The following GPATCH2 variants were observed in gnomAD, a reference collection of about 807,000 sequenced individuals.
GPATCH2 encodes the protein G patch domain-containing protein 2.
Under a neutral mutation model 58.0 loss-of-function variants are expected in GPATCH2, and 51 were observed. That is an observed-to-expected ratio of 0.88 (90% CI 0.70 to 1.11). GPATCH2 has a LOEUF of 1.11. Ranked by LOEUF, GPATCH2 falls within the 50% of genes most tolerant of loss-of-function variation. The pLI is 0.00. For synonymous variants in GPATCH2, 222 were observed against 218.5 expected, an observed-to-expected ratio of 1.02 and a Z score of -0.14; for missense variants, 625 against 652.2, an observed-to-expected ratio of 0.96 and a Z score of 0.45.
At chr1:217,498,299 C>G in intron 7 of GPATCH2, 57 bp downstream of exon 7, 3 of 1,259,112 alleles carry the variant, frequency 2.4e-6, no homozygotes, top group Non-Finnish European at 2.3e-6. Context: ...TGAAGGGAGA[C>G]AGTTAAATAC....
At chr1:217,596,488 C>T (rs937989371) in intron 5 of GPATCH2, among the ~76,000 whole-genome samples, 1 of 151,950 alleles carries the variant, frequency 6.6e-6, no homozygotes, top group Non-Finnish European at 1.5e-5. Flanking sequence ...CCTAATTAGG[C>T]TTTTTGTGAA....
intron 8 of GPATCH2, among the ~76,000 whole-genome samples, chr1:217,480,667 T>G (rs926366624): frequency 3.3e-5 from 5 of 152,178 alleles, no homozygotes; most frequent in African/African-American, 7.2e-5. Context: ...TGGAAATCAG[T>G]GTATCAAAGA....
chr1:217,617,100 A>C (rs943555950), intron 2 of GPATCH2, among the ~76,000 whole-genome samples: 1 of 152,200 alleles, frequency 6.6e-6, no homozygotes, highest in Admixed American at 6.5e-5. Flanking sequence ...TCACTGTTAA[A>C]AATTCTTCAC....
At chr1:217,455,958 CAG>C (rs1477001317) in intron 8 of GPATCH2, among the ~76,000 whole-genome samples, 1 of 151,952 alleles carries the variant, frequency 6.6e-6, no homozygotes, top group Non-Finnish European at 1.5e-5. Context: ...TGGGGATAGT[CAG>C]AGAGGAATTT....
intron 8 of GPATCH2, among the ~76,000 whole-genome samples, chr1:217,476,797 C>G (rs1660990990): frequency 6.6e-6 from 1 of 152,128 alleles, no homozygotes. Flanking sequence ...GAAAGGCAGT[C>G]TATGCCACAA....
chr1:217,525,519 T>G (rs1663860037), intron 5 of GPATCH2, among the ~76,000 whole-genome samples: 1 of 152,200 alleles, frequency 6.6e-6, no homozygotes, highest in Non-Finnish European at 1.5e-5. Context: ...TCCCACAATT[T>G]TACCAAAGGT....
At chr1:217,513,008 G>A (rs979842944) in intron 6 of GPATCH2, among the ~76,000 whole-genome samples, 2 of 152,114 alleles carry the variant, frequency 1.3e-5, no homozygotes, top group Non-Finnish European at 2.9e-5. Context: ...GCCTACCTTA[G>A]GCCAGGCGCG....
intron 5 of GPATCH2, among the ~76,000 whole-genome samples, chr1:217,598,477 C>G (rs544438792): frequency 6.6e-6 from 1 of 151,878 alleles, no homozygotes; most frequent in East Asian, 1.9e-4. Context: ...GAGACAGAGT[C>G]TCGCTCTGTT....
At chr1:217,501,686 T>C (rs1055390765) in intron 6 of GPATCH2, among the ~76,000 whole-genome samples, 1 of 152,170 alleles carries the variant, frequency 6.6e-6, no homozygotes, top group East Asian at 1.9e-4. Flanking sequence ...ATTTCTCTAA[T>C]AGATAATGAC....
At chr1:217,613,513 G>A (rs12562496) in intron 3 of GPATCH2, among the ~76,000 whole-genome samples, 25,425 of 151,962 alleles carry the variant, frequency 0.17, 3,065 homozygotes, top group East Asian at 0.52. Context: ...GAGCAGGTGT[G>A]ACTAAATGAA....
intron 5 of GPATCH2, among the ~76,000 whole-genome samples, chr1:217,520,543 CTAGGA>C (rs1346862520): frequency 6.6e-6 from 1 of 152,158 alleles, no homozygotes; most frequent in Non-Finnish European, 1.5e-5. Flanking sequence ...AGACTTTGAA[CTAGGA>C]CCTATATAGT....
At chr1:217,570,809 A>G (rs1159564248) in intron 5 of GPATCH2, among the ~76,000 whole-genome samples, 3 of 152,238 alleles carry the variant, frequency 2.0e-5, no homozygotes, top group Admixed American at 6.5e-5. Flanking sequence ...AAAGGTTACT[A>G]TCCTGAAAGG....
At chr1:217,577,952 G>C (rs568963607) in intron 5 of GPATCH2, among the ~76,000 whole-genome samples, 5 of 151,754 alleles carry the variant, frequency 3.3e-5, no homozygotes, top group Admixed American at 6.6e-5. Context: ...TCTCCATGTT[G>C]GTCAGGCTGG....
intron 8 of GPATCH2, among the ~76,000 whole-genome samples, chr1:217,476,717 C>T (rs1361847407): frequency 7.2e-5 from 11 of 152,088 alleles, no homozygotes; most frequent in South Asian, 2.1e-4. Flanking sequence ...CCAATCCTAG[C>T]GGTCCAAACT....
chr1:217,543,427 G>A (rs1338264617), intron 5 of GPATCH2, among the ~76,000 whole-genome samples: 2 of 151,784 alleles, frequency 1.3e-5, no homozygotes, highest in East Asian at 1.9e-4. Context: ...CCACCACCTC[G>A]CCCAGCTAAT....
chr1:217,501,733 G>A (rs1387771553), intron 6 of GPATCH2, among the ~76,000 whole-genome samples: 1 of 151,936 alleles, frequency 6.6e-6, no homozygotes, highest in African/African-American at 2.4e-5. Context: ...TGCTATTTGT[G>A]TATCCTCCTT....
intron 5 of GPATCH2, among the ~76,000 whole-genome samples, chr1:217,598,211 C>T (rs191230111): frequency 5.3e-5 from 8 of 152,022 alleles, no homozygotes; most frequent in Non-Finnish European, 1.2e-4. Flanking sequence ...CATATCGAAA[C>T]CCTGACTCTA....
intron 5 of GPATCH2, among the ~76,000 whole-genome samples, chr1:217,595,783 A>T (rs11117894): frequency 0.031 from 4,720 of 152,206 alleles, 235 homozygotes; most frequent in African/African-American, 0.11. Flanking sequence ...TACAAGCATG[A>T]GCCACCGCAC....
Position 217,620,089 on chromosome 1 carries a change from C to T in GPATCH2, c.467G>A (p.Arg156Lys), listed in dbSNP as rs961666396. 1 of 1,614,026 alleles carries T rather than the reference C, an allele frequency of 6.2e-7. No homozygotes were observed. Among genetic ancestry groups the T allele is most frequent in the Non-Finnish European group, 8.5e-7 (1 of 1,180,000 alleles). The change falls in exon 2 of 10, where the codon AGA (arginine) becomes AAA (lysine). Residue 156 changes from arginine to lysine, a missense_variant. Transcript: ENST00000366935. ...SDFAVDNVGN[R>K]TLRRRRKVKR... is the part of the protein sequence containing the mutation. ...TACCTTTCTCCTCCTGCGCAGAGTTCTATTCCCAACATTGTCCACAGCAAA... is the reference window on the plus strand; with the variant it reads ...TACCTTTCTCCTCCTGCGCAGAGTTTTATTCCCAACATTGTCCACAGCAAA...
Sources: gnomAD v4.1 joint callset for allele counts (sites outside exome capture counted in the v4.1 genomes callset) on GRCh38, gnomAD v4.1.1 for gene constraint, MANE v1.5 for transcripts, NCBI Gene and HGNC (gene_info 2026-07-23, HGNC 2026-07-21) for gene names.